ROBO1: variants seen among roughly 807,000 people sequenced by gnomAD.
ROBO1 encodes roundabout homolog 1.
A neutral mutation model predicts 195.9 loss-of-function variants in ROBO1; 149 were observed. The observed-to-expected ratio is 0.76, with a 90% CI of 0.67 to 0.87. The LOEUF is 0.87. ROBO1 is among the 40% of genes least tolerant of loss of function. The pLI is 0.00. For synonymous variants in ROBO1, 816 were observed against 733.2 expected (o/e 1.11, Z -1.82); for missense variants, 1,933 against 2,068.3 (o/e 0.93, Z 1.27).
intron 2 of ROBO1, among the ~76,000 whole-genome samples, chr3:79,551,642 T>G (rs2107676131): frequency 6.6e-6 from 1 of 152,104 alleles, no homozygotes; most frequent in South Asian, 2.1e-4. Context: ...CTCTCAGCTG[T>G]TCAAGATTTA....
chr3:78,988,800 A>G (rs770238402), intron 3 of ROBO1, among the ~76,000 whole-genome samples: 4 of 152,222 alleles, frequency 2.6e-5, no homozygotes, highest in Non-Finnish European at 5.9e-5. Context: ...AAGGAAACAT[A>G]TAACAGTTGT....
chr3:79,286,841 T>G (rs1353683399), intron 2 of ROBO1, among the ~76,000 whole-genome samples: 1 of 152,188 alleles, frequency 6.6e-6, no homozygotes. Flanking sequence ...CAGATAAATG[T>G]AAGGATTTAA....
intron 2 of ROBO1, among the ~76,000 whole-genome samples, chr3:79,548,069 A>G (rs1942338606): frequency 6.6e-6 from 1 of 152,188 alleles, no homozygotes; most frequent in Non-Finnish European, 1.5e-5. Context: ...TTAAGCACCC[A>G]TCGTCATTCC....
intron 2 of ROBO1, among the ~76,000 whole-genome samples, chr3:79,165,273 T>A (rs1316607287): frequency 6.6e-6 from 1 of 152,204 alleles, no homozygotes; most frequent in Non-Finnish European, 1.5e-5. Flanking sequence ...CCATAGTGTT[T>A]GTAGTAGTTC....
At chr3:79,122,872 T>C (rs571884073) in intron 3 of ROBO1, among the ~76,000 whole-genome samples, 2 of 151,966 alleles carry the variant, frequency 1.3e-5, no homozygotes, top group Non-Finnish European at 2.9e-5. Flanking sequence ...TTTTTATATA[T>C]ACTAAATGTT....
At chr3:79,285,803 T>C (rs1373377378) in intron 2 of ROBO1, among the ~76,000 whole-genome samples, 2 of 152,188 alleles carry the variant, frequency 1.3e-5, no homozygotes, top group African/African-American at 4.8e-5. Context: ...TATTGAATCT[T>C]TGAGACAAAT....
At chr3:79,586,634 C>T (rs1943837959) in intron 2 of ROBO1, among the ~76,000 whole-genome samples, 1 of 151,652 alleles carries the variant, frequency 6.6e-6, no homozygotes, top group Non-Finnish European at 1.5e-5. Flanking sequence ...CAATATAAAC[C>T]TAGAACTCAA....
chr3:79,571,432 T>C (rs1943275959), intron 2 of ROBO1, among the ~76,000 whole-genome samples: 1 of 152,128 alleles, frequency 6.6e-6, no homozygotes, highest in Non-Finnish European at 1.5e-5. Context: ...GTTAGATTTT[T>C]AAGATAAATA....
intron 1 of ROBO1, among the ~76,000 whole-genome samples, chr3:79,730,629 C>T (rs1576293210): frequency 6.6e-6 from 1 of 152,182 alleles, no homozygotes; most frequent in East Asian, 1.9e-4. Context: ...CATTTCATTT[C>T]ATTTCATTAG....
intron 22 of ROBO1, among the ~76,000 whole-genome samples, chr3:78,637,715 C>T (rs971998436): frequency 6.6e-6 from 1 of 152,078 alleles, no homozygotes; most frequent in Non-Finnish European, 1.5e-5. Context: ...ATCTATCTGT[C>T]TAGACATTCA....
chr3:79,675,043 T>C (rs1448596085), intron 1 of ROBO1, among the ~76,000 whole-genome samples: 1 of 151,968 alleles, frequency 6.6e-6, no homozygotes, highest in Non-Finnish European at 1.5e-5. Flanking sequence ...CAAATATGTT[T>C]ACATCTGGTT....
At chr3:79,146,791 T>C (rs954736250) in intron 2 of ROBO1, among the ~76,000 whole-genome samples, 1 of 151,810 alleles carries the variant, frequency 6.6e-6, no homozygotes, top group African/African-American at 2.4e-5. Flanking sequence ...TCTAGAAAAA[T>C]TAACATAGAT....
intron 1 of ROBO1, among the ~76,000 whole-genome samples, chr3:79,615,438 C>G (rs570903226): frequency 1.3e-5 from 2 of 152,234 alleles, no homozygotes; most frequent in African/African-American, 4.8e-5. Context: ...CAATCTATAG[C>G]CCAACCACCT....
intron 1 of ROBO1, among the ~76,000 whole-genome samples, chr3:79,688,224 TG>T (rs1302239062): frequency 2.9e-5 from 2 of 68,244 alleles, no homozygotes; most frequent in East Asian, 5.8e-4. Context: ...TGTTGTGGGG[TG>T]GGGGGAGGGG....
intron 4 of ROBO1, among the ~76,000 whole-genome samples, chr3:78,849,831 TAC>T (rs576994363): frequency 0.015 from 1,188 of 79,498 alleles, 12 homozygotes; most frequent in South Asian, 0.03. Context: ...TCTCTCCCAT[TAC>T]ACACACACAC....
intron 3 of ROBO1, among the ~76,000 whole-genome samples, chr3:79,087,511 CTTCCTTCCTTCCT>C (rs1172029253): frequency 2.6e-5 from 4 of 151,030 alleles, no homozygotes; most frequent in Admixed American, 6.6e-5. Context: ...CTTTCTCTTC[CTTCCTTCCTTCCT>C]TTCCTTCCTT....
At chr3:79,404,005 A>G (rs1477635506) in intron 2 of ROBO1, among the ~76,000 whole-genome samples, 2 of 152,070 alleles carry the variant, frequency 1.3e-5, no homozygotes, top group Non-Finnish European at 2.9e-5. Flanking sequence ...TTATAAAAAT[A>G]AAATCAAAGT....
intron 1 of ROBO1, among the ~76,000 whole-genome samples, chr3:79,673,971 A>T (rs1946708655): frequency 6.6e-6 from 1 of 152,068 alleles, no homozygotes; most frequent in Admixed American, 6.6e-5. Flanking sequence ...AATTAAAATT[A>T]TCTTCACAAA....
rs181126688 is a variant in ROBO1, at chr3:79,091,091, G to A, written c.172+34365C>T. 1.5e-4 allele frequency among the ~76,000 whole-genome samples: 23 copies of A among 152,140 alleles called. No homozygotes were observed. In the East Asian group the frequency reaches 2.9e-3, roughly 19 times the overall value. On this transcript the variant is annotated intron_variant, in intron 3 of 30. Coordinates refer to ENST00000464233, the MANE Select transcript of ROBO1 (RefSeq NM_002941.4). ...CTTCAGATTTCGAGTACAGTATGCC[G>A]TTACATAACACCTCCACTTACTCAT...
Sources: gnomAD v4.1 joint callset for allele counts (sites outside exome capture counted in the v4.1 genomes callset) on GRCh38, gnomAD v4.1.1 for gene constraint, MANE v1.5 for transcripts, NCBI Gene and HGNC (gene_info 2026-07-23, HGNC 2026-07-21) for gene names.